Variants in USH2A observed in about 807,000 individuals in gnomAD.
USH2A encodes the protein usherin.
USH2A carries 443 observed loss-of-function variants against 538.9 expected under a neutral mutation model. That is an observed-to-expected ratio of 0.82 (90% CI 0.76 to 0.89). The LOEUF (loss-of-function observed/expected upper bound fraction) is 0.89, where lower values mean the gene tolerates loss of function less well. Among genes scored for constraint, USH2A ranks in the 40% least tolerant of loss-of-function variants. USH2A has a pLI of 0.00. For missense variants in USH2A, 6,633 were observed against 6,324.8 expected, an observed-to-expected ratio of 1.05 and a Z score of -1.65; for synonymous variants, 2,413 against 2,273.5, an observed-to-expected ratio of 1.06 and a Z score of -1.75.
chr1:216,340,140 T>C lies in USH2A; in HGVS notation c.785-12486A>G, dbSNP rs1300181287. ...AAGAGAGAAGAATCAAATAGACACA[T>C]AAAAAATGACAAAGGGGATAACACC... On this transcript the variant is annotated intron_variant, in intron 4 of 71. Coordinates refer to ENST00000307340, the MANE Select transcript of USH2A (RefSeq NM_206933.4). Among the ~76,000 whole-genome samples the C allele has an allele frequency of 6.0e-5, 9 of 151,078 alleles. No homozygotes were observed. The East Asian group carries it at 1.4e-3, about 23-fold the overall frequency.
intron 4 of USH2A, among the ~76,000 whole-genome samples, chr1:216,345,361 T>C (rs912193624): frequency 1.3e-5 from 2 of 152,036 alleles, no homozygotes; most frequent in African/African-American, 4.8e-5. Context: ...TATTTTGCTC[T>C]GGCCAGGACA....
intron 21 of USH2A, among the ~76,000 whole-genome samples, chr1:216,136,922 C>T (rs1472094994): frequency 6.6e-6 from 1 of 152,186 alleles, no homozygotes; most frequent in East Asian, 1.9e-4. Context: ...TTTTCTCGAA[C>T]TTCTAGCCTT....
chr1:216,192,317 TA>T (rs2034734106), intron 19 of USH2A, among the ~76,000 whole-genome samples: 1 of 152,054 alleles, frequency 6.6e-6, no homozygotes, highest in South Asian at 2.1e-4. Flanking sequence ...ATTGAGAAGG[TA>T]AAAAATTGGA....
At chr1:215,844,538 T>C in intron 45 of USH2A, 42 bp from the exon 46 acceptor site, 2 of 1,592,840 alleles carry the variant, frequency 1.3e-6, no homozygotes, top group Non-Finnish European at 1.7e-6. Flanking sequence ...CAGCTGTCTC[T>C]GAAAAAGCAC....
At chr1:216,001,196 A>G (rs971185888) in intron 32 of USH2A, among the ~76,000 whole-genome samples, 2 of 152,146 alleles carry the variant, frequency 1.3e-5, no homozygotes, top group African/African-American at 2.4e-5. Flanking sequence ...TGTCATGACT[A>G]TATGATACAC....
At chr1:215,716,774 A>C (rs1220150924) in intron 61 of USH2A, among the ~76,000 whole-genome samples, 1 of 152,198 alleles carries the variant, frequency 6.6e-6, no homozygotes, top group Non-Finnish European at 1.5e-5. Flanking sequence ...TTTTAAATTC[A>C]GAGTACCTAA....
intron 38 of USH2A, among the ~76,000 whole-genome samples, chr1:215,913,303 G>A (rs1301394707): frequency 3.3e-5 from 5 of 152,078 alleles, no homozygotes; most frequent in Admixed American, 2.0e-4. Context: ...TAGTTAAAAT[G>A]TACACAAAGT....
rs1064797137 is a variant in USH2A at position 216,199,977 on chromosome 1, A to G, written c.3461T>C (p.Leu1154Ser). The G allele has an allele frequency of 1.9e-6, 3 of 1,614,084 alleles. No individual in the cohort carries two copies. Among genetic ancestry groups the G allele is most frequent in the South Asian group, 1.1e-5 (1 of 91,084 alleles). Reference protein sequence around the residue: ...KPGVPEGNLTLSYIIPIGSDS... With the variant: ...KPGVPEGNLTSSYIIPIGSDS... ...TGAGCCAATAGGAATGATATAACTT[A>G]AAGTCAAGTTTCCCTCTGGGACCCC... Residue 1154 changes from leucine to serine, a missense_variant, in exon 17 of 72, where the codon TTA becomes TCA. Transcript: ENST00000307340.
At chr1:216,102,181 C>T (rs1335069641) in intron 21 of USH2A, among the ~76,000 whole-genome samples, 1 of 147,828 alleles carries the variant, frequency 6.8e-6, no homozygotes, top group East Asian at 2.0e-4. Context: ...GATACATAGC[C>T]AGAAAAAAAA....
At chr1:215,930,537 G>T (rs999535425) in intron 38 of USH2A, among the ~76,000 whole-genome samples, 2 of 151,950 alleles carry the variant, frequency 1.3e-5, no homozygotes, top group Non-Finnish European at 2.9e-5. Context: ...AAGCTCATTT[G>T]TTCTTCTTTT....
In USH2A at chr1:215,623,601, G is replaced by A. The variant is rs1655884328; in HGVS notation, c.*2180C>T. 6.6e-6 allele frequency: 1 copy of A among 152,020 alleles called. No individual in the cohort carries two copies. Among genetic ancestry groups the A allele is most frequent in the Non-Finnish European group, 1.5e-5 (1 of 67,992 alleles). The allele number at this position is 152,020 out of a possible 1,614,324, so 9.4% of individuals were successfully genotyped here. A position where few individuals can be genotyped will look rare whatever the true frequency, so the allele number is the denominator to read the frequency against. ...ACAAGTAAACTTAGACATGTAGCAG[G>A]GGACAGAGTTCTGGGCAGAAGCCAT... On this transcript the variant is annotated 3_prime_UTR_variant, in exon 72 of 72. Coordinates refer to ENST00000307340, the MANE Select transcript of USH2A (RefSeq NM_206933.4).
At position 215,782,099 on chromosome 1, in the gene USH2A, C is replaced by G. The variant is rs755532737; in HGVS notation, c.10683G>C (p.Gln3561His). The change falls in exon 54 of 72, where the codon CAG becomes CAC. Residue 3561 changes from glutamine to histidine, a missense_variant. Coordinates refer to ENST00000307340, the MANE Select transcript of USH2A (RefSeq NM_206933.4). ...FSDKEGIQPF[Q>H]EYSYQLKACT... is the part of the protein sequence containing the mutation. ...AAGCTTTCAGCTGATATGAATATTC[C>G]TGAAATGGTTGAATTCCCTCTTTAT... The G allele has an allele frequency of 3.7e-6, 6 of 1,613,990 alleles. No individual in the cohort carries two copies. The highest frequency in any genetic ancestry group is 5.1e-6 in the Non-Finnish European group (6 of 1,179,898).
chr1:215,881,765 G>A (rs1173583624), intron 41 of USH2A, among the ~76,000 whole-genome samples: 1 of 152,152 alleles, frequency 6.6e-6, no homozygotes, highest in Non-Finnish European at 1.5e-5. Flanking sequence ...TTTCAGAGAT[G>A]GCTTTCCTAT....
intron 40 of USH2A, among the ~76,000 whole-genome samples, chr1:215,897,278 T>C (rs771717004): frequency 6.6e-6 from 1 of 152,154 alleles, no homozygotes; most frequent in African/African-American, 2.4e-5. Flanking sequence ...TGGAAAGCTG[T>C]GAGGCTGTGG....
At chr1:216,057,227 A>G (rs1193223822) in intron 30 of USH2A, among the ~76,000 whole-genome samples, 1 of 152,210 alleles carries the variant, frequency 6.6e-6, no homozygotes, top group Non-Finnish European at 1.5e-5. Flanking sequence ...AGACAAAGCT[A>G]TTAACTCATC....
chr1:216,298,356 A>G (rs76303966), intron 9 of USH2A, among the ~76,000 whole-genome samples: 1,889 of 152,268 alleles, frequency 0.012, 36 homozygotes, highest in African/African-American at 0.044. Context: ...TTGCTTTTTG[A>G]TTATAATCTT....
chr1:215,823,225 C>G (rs978936292), intron 47 of USH2A, among the ~76,000 whole-genome samples: 1 of 151,990 alleles, frequency 6.6e-6, no homozygotes, highest in African/African-American at 2.4e-5. Flanking sequence ...TAAGATGGGT[C>G]TCATAGTGGT....
intron 61 of USH2A, 33 bp from the exon 62 acceptor site, chr1:215,680,409 T>G: frequency 1.9e-6 from 3 of 1,596,560 alleles, no homozygotes; most frequent in Middle Eastern, 1.7e-4. Flanking sequence ...AGTTGTTGTT[T>G]TTTTTTTTTG....
intron 50 of USH2A, among the ~76,000 whole-genome samples, chr1:215,795,398 G>A (rs1231735391): frequency 1.3e-5 from 2 of 152,144 alleles, no homozygotes; most frequent in African/African-American, 2.4e-5. Flanking sequence ...GTATAACCTT[G>A]TAGGCACTTT....
Sources: gnomAD v4.1 joint callset for allele counts (sites outside exome capture counted in the v4.1 genomes callset) on GRCh38, gnomAD v4.1.1 for gene constraint, MANE v1.5 for transcripts, NCBI Gene and HGNC (gene_info 2026-07-23, HGNC 2026-07-21) for gene names.